The following AP2A1 variants were observed in gnomAD, a reference collection of about 807,000 sequenced individuals.
The protein encoded by AP2A1 is AP-2 complex subunit alpha-1.
A neutral mutation model predicts 107.3 loss-of-function variants in AP2A1; 21 were observed. The observed-to-expected ratio is 0.20, with a 90% CI of 0.14 to 0.28. The LOEUF (loss-of-function observed/expected upper bound fraction) is 0.28. AP2A1 is among the 10% of genes least tolerant of loss of function. AP2A1 has a pLI of 1.00. For synonymous variants in AP2A1, 602 were observed against 564.8 expected (o/e 1.07, Z -0.93); for missense variants, 873 against 1,307.7 (o/e 0.67, Z 5.13).
At chr19:49,772,205 A>G (rs1484584834) in intron 1 of AP2A1, among the ~76,000 whole-genome samples, 2 of 145,414 alleles carry the variant, frequency 1.4e-5, no homozygotes, top group Non-Finnish European at 3.0e-5. Flanking sequence ...CTATAGGCAC[A>G]TGCCATCATG....
chr19:49,789,086 C>A (rs116297422), intron 4 of AP2A1, among the ~76,000 whole-genome samples: 2,644 of 152,290 alleles, frequency 0.017, 74 homozygotes, highest in African/African-American at 0.06. Context: ...GAGCCACCTG[C>A]TGGGTGGCTG....
rs1187222640 is a variant in AP2A1, at chr19:49,806,260, G to A, written c.2790+7G>A. On this transcript the variant is annotated splice_region_variant and intron_variant, in intron 22 of 22. Transcript: ENST00000354293. The stretch of plus-strand genomic sequence containing the variant: ...GCCCAATGCCCAGGCCCAGGTGAGT[G>A]CTGCTGTGGGAGGCCTGAGGCCGGC... 3.8e-6 allele frequency: 6 copies of A among 1,598,214 alleles called. No individual in the cohort carries two copies. The South Asian group carries it at 6.8e-5, about 18-fold the overall frequency.
chr19:49,787,358 T>G (rs1472528071), intron 4 of AP2A1, among the ~76,000 whole-genome samples: 11 of 132,420 alleles, frequency 8.3e-5, no homozygotes, highest in East Asian at 2.4e-4. Context: ...TTTTTTGTTT[T>G]TTTTTTTTTG....
chr19:49,779,501 A>C (rs1476774766), intron 1 of AP2A1, among the ~76,000 whole-genome samples: 3 of 150,886 alleles, frequency 2.0e-5, no homozygotes, highest in Admixed American at 6.6e-5. Flanking sequence ...AAAAAAAAAA[A>C]AAAAAAAAAA....
intron 4 of AP2A1, among the ~76,000 whole-genome samples, chr19:49,783,638 G>A (rs909563890): frequency 2.0e-5 from 3 of 152,228 alleles, no homozygotes; most frequent in African/African-American, 7.2e-5. Context: ...CAAGCTAAGA[G>A]AAGCCGGGCA....
Position 49,788,253 on chromosome 19 carries a change from G to A in AP2A1, c.474-3682G>A, listed in dbSNP as rs566490603. Among the ~76,000 whole-genome samples the A allele has an allele frequency of 7.4e-4, 113 of 152,276 alleles. No individual in the cohort carries two copies. Among genetic ancestry groups the A allele is most frequent in the Non-Finnish European group, 9.7e-4 (66 of 68,004 alleles). ...CGTGAGCCACCGCGCCTGACTTGTG[G>A]TTTTATTTTTTATACTTGAATATGC... On this transcript the variant is annotated intron_variant, in intron 4 of 22. Transcript: ENST00000354293. This position sits in a 1 kb window ranked among gnomAD's most constrained non-coding sequence, Gnocchi z 4.5.
Position 49,806,894 on chromosome 19 carries a change from G to A in AP2A1, c.*136G>A, listed in dbSNP as rs915583628. On this transcript the variant is annotated 3_prime_UTR_variant, in exon 23 of 23. Transcript: ENST00000354293. ...GGGGGATGCCTGGGACTTTCCTCCG[G>A]CCTTTTGTATTTTTATTTTTGTTCA... 1 of 1,543,426 alleles carries A rather than the reference G, an allele frequency of 6.5e-7. No individual in the cohort carries two copies. Among genetic ancestry groups the A allele is most frequent in the South Asian group, 1.2e-5 (1 of 84,590 alleles).
At chr19:49,781,287 T>C (rs1488014267) in intron 1 of AP2A1, among the ~76,000 whole-genome samples, 1 of 151,722 alleles carries the variant, frequency 6.6e-6, no homozygotes. Context: ...CACCCAAGGG[T>C]CTGACCTGGT....
Position 49,800,159 on chromosome 19 carries a change from C to T in AP2A1, c.1455+9C>T, listed in dbSNP as rs1358275454. 1 of 1,599,608 alleles carries T rather than the reference C, an allele frequency of 6.3e-7. No homozygotes were observed. Among genetic ancestry groups the T allele is most frequent in the Non-Finnish European group, 8.5e-7 (1 of 1,170,214 alleles). On this transcript the variant is annotated intron_variant, in intron 11 of 22. Coordinates refer to ENST00000354293, the MANE Select transcript of AP2A1 (RefSeq NM_130787.3). ...CCAAGACCGTCTTTGAGGTCAGCAT[C>T]CCTGACCCTGACCCTATGACCCCAC...
chr19:49,799,535 C>T, intron 9 of AP2A1, 40 bp downstream of exon 9: 1 of 1,605,080 alleles, frequency 6.2e-7, no homozygotes, highest in South Asian at 1.1e-5. Context: ...TGCCACCCCC[C>T]TCAGAAAGAC....
At chr19:49,769,141 TCAGGAGGCTGAGG>T in intron 1 of AP2A1, among the ~76,000 whole-genome samples, 1 of 152,012 alleles carries the variant, frequency 6.6e-6, no homozygotes, top group South Asian at 2.1e-4. Flanking sequence ...TCCCAGCTAC[TCAGGAGGCTGAGG>T]CAGGAGAATC....
intron 6 of AP2A1, 143 bp from the exon 7 acceptor site, chr19:49,795,487 T>C: frequency 3.2e-6 from 2 of 633,540 alleles, no homozygotes; most frequent in South Asian, 3.6e-5. Context: ...TGAGACCCTG[T>C]CTCTACAAAA....
intron 16 of AP2A1, 27 bp from the exon 17 acceptor site, chr19:49,803,080 G>A (rs757042499): frequency 7.4e-6 from 12 of 1,613,898 alleles, no homozygotes; most frequent in Non-Finnish European, 1.0e-5. Flanking sequence ...AGGCACCCCC[G>A]TCATCTTGCG....
intron 1 of AP2A1, among the ~76,000 whole-genome samples, chr19:49,776,161 T>C (rs2084615456): frequency 6.6e-6 from 1 of 151,648 alleles, no homozygotes; most frequent in Admixed American, 6.6e-5. Flanking sequence ...AGAGGCTGCG[T>C]GGTCTGGCCC....
At chr19:49,790,059 C>G (rs922068721) in intron 4 of AP2A1, among the ~76,000 whole-genome samples, 21 of 152,196 alleles carry the variant, frequency 1.4e-4, no homozygotes, top group Admixed American at 1.0e-3. Flanking sequence ...GAATTACCAC[C>G]AGCACAGCGG....
chr19:49,806,915 G>A lies in AP2A1; in HGVS notation c.*157G>A. On this transcript the variant is annotated 3_prime_UTR_variant, in exon 23 of 23. Transcript: ENST00000354293. ...TCCGGCCTTTTGTATTTTTATTTTTGTTCATCTGCTGCTGTTTACATTCTG... is the reference window on the plus strand; with the variant it reads ...TCCGGCCTTTTGTATTTTTATTTTTATTCATCTGCTGCTGTTTACATTCTG... 3 of 1,536,136 alleles carry A rather than the reference G, an allele frequency of 2.0e-6. No individual in the cohort carries two copies. Among genetic ancestry groups the A allele is most frequent in the Middle Eastern group, 1.8e-4 (1 of 5,528 alleles).
At chr19:49,795,602 C>CCCCACAA in intron 6 of AP2A1, 28 bp from the exon 7 acceptor site, 21 of 1,236,780 alleles carry the variant, frequency 1.7e-5, no homozygotes, top group East Asian at 5.1e-5. Flanking sequence ...CCCCAGCCCC[C>CCCCACAA]AACTTATTTC....
At chr19:49,806,554 T>G in intron 22 of AP2A1, 127 bp from the exon 23 acceptor site, 1 of 1,492,472 alleles carries the variant, frequency 6.7e-7, no homozygotes, top group Non-Finnish European at 8.9e-7. Context: ...AGTCTTACAT[T>G]TTTCTCTCCT....
At chr19:49,772,802 A>G (rs1220575951) in intron 1 of AP2A1, among the ~76,000 whole-genome samples, 2 of 151,970 alleles carry the variant, frequency 1.3e-5, no homozygotes, top group African/African-American at 4.8e-5. Context: ...GCCCGGCCCA[A>G]GAATTCTTTC....
Sources: gnomAD v4.1 joint callset for allele counts (sites outside exome capture counted in the v4.1 genomes callset) on GRCh38, gnomAD v4.1.1 for gene constraint, Gnocchi (gnomAD v3.1) non-coding constraint, MANE v1.5 for transcripts, NCBI Gene and HGNC (gene_info 2026-07-23, HGNC 2026-07-21) for gene names.